SPAG16: variants seen among roughly 807,000 people sequenced by gnomAD.
SPAG16 encodes the protein sperm-associated antigen 16 protein.
A neutral mutation model predicts 80.4 loss-of-function variants in SPAG16; 86 were observed. The ratio of observed to expected loss-of-function variants is 1.07; its 90% CI spans 0.90 to 1.28. SPAG16 has a LOEUF of 1.28. Ranked by LOEUF, SPAG16 falls within the 50% of genes most tolerant of loss-of-function variation. The pLI is 0.00. For synonymous variants in SPAG16, 294 were observed against 265.9 expected (o/e 1.11, Z -1.03); for missense variants, 870 against 765.3 (o/e 1.14, Z -1.61).
At chr2:214,150,108 G>A (rs1559086101) in intron 15 of SPAG16, among the ~76,000 whole-genome samples, 2 of 152,004 alleles carry the variant, frequency 1.3e-5, no homozygotes, top group African/African-American at 2.4e-5. Flanking sequence ...CTTGATTTTA[G>A]GTGAAGAAGT....
At position 213,784,681 on chromosome 2, in the gene SPAG16, A is replaced by G. The variant is rs140007506; in HGVS notation, c.1071-77804A>G. Among the ~76,000 whole-genome samples the G allele has an allele frequency of 2.6e-4, 38 of 147,982 alleles. 1 individual carries two copies. In the East Asian group the frequency reaches 7.5e-3, roughly 29 times the overall value. On this transcript the variant is annotated intron_variant, in intron 10 of 15. Transcript: ENST00000331683. ...ACTGTGAGAGCTCCGTGATAGAACT[A>G]TATGCTGTTTGCTCTCTAAGAGATT...
intron 12 of SPAG16, among the ~76,000 whole-genome samples, chr2:213,967,641 T>C (rs2044774494): frequency 6.6e-6 from 1 of 152,186 alleles, no homozygotes; most frequent in South Asian, 2.1e-4. Flanking sequence ...ATGAAAATTA[T>C]GTCTTAACCC....
chr2:214,072,226 A>T (rs923312986), intron 13 of SPAG16, among the ~76,000 whole-genome samples: 10 of 152,128 alleles, frequency 6.6e-5, no homozygotes, highest in African/African-American at 2.4e-4. Context: ...ACTTTGACAG[A>T]TACATTATAA....
intron 10 of SPAG16, among the ~76,000 whole-genome samples, chr2:213,751,114 A>C (rs2068058173): frequency 6.6e-6 from 1 of 152,182 alleles, no homozygotes; most frequent in Admixed American, 6.5e-5. Flanking sequence ...ATATATTTTA[A>C]ATTTTATTTA....
At chr2:213,488,488 A>G (rs2074090344) in intron 9 of SPAG16, among the ~76,000 whole-genome samples, 2 of 152,188 alleles carry the variant, frequency 1.3e-5, no homozygotes, top group Admixed American at 6.5e-5. Context: ...ATTGATAACC[A>G]TAAGAGAGAC....
intron 15 of SPAG16, among the ~76,000 whole-genome samples, chr2:214,220,691 G>A (rs2058543850): frequency 6.6e-6 from 1 of 152,126 alleles, no homozygotes; most frequent in Admixed American, 6.5e-5. Flanking sequence ...TCCCTCTAAT[G>A]CTTCAGGTAG....
At chr2:213,778,073 C>T (rs1299354483) in intron 10 of SPAG16, among the ~76,000 whole-genome samples, 1 of 151,792 alleles carries the variant, frequency 6.6e-6, no homozygotes, top group East Asian at 1.9e-4. Context: ...AGCTGTCCAA[C>T]CCAGGAAATC....
Position 214,014,007 on chromosome 2 carries a change from T to G in SPAG16, c.1457T>G (p.Phe486Cys). 6.2e-7 allele frequency: 1 copy of G among 1,613,638 alleles called. No homozygotes were observed. Among genetic ancestry groups the G allele is most frequent in the Non-Finnish European group, 8.5e-7 (1 of 1,179,778 alleles). Reference sequence around the variant, plus strand: ...ACAGATTCTGTGAACAGCATTGAGTTTTTTCCTTTCTCCAATACTCTTCTC... The same window carrying G: ...ACAGATTCTGTGAACAGCATTGAGTGTTTTCCTTTCTCCAATACTCTTCTC... ...GHTDSVNSIE[F>C]FPFSNTLLTS... The change falls in exon 13 of 16, where the codon TTT becomes TGT. Residue 486 changes from phenylalanine to cysteine, a missense_variant. Phe to Cys is a radical substitution (Grantham distance 205). Coordinates refer to ENST00000331683, the MANE Select transcript of SPAG16 (RefSeq NM_024532.5).
chr2:213,659,839 T>C (rs2063352478), intron 10 of SPAG16, among the ~76,000 whole-genome samples: 1 of 152,214 alleles, frequency 6.6e-6, no homozygotes, highest in African/African-American at 2.4e-5. Flanking sequence ...AAACTAATTG[T>C]TCCTTGCTAT....
intron 15 of SPAG16, among the ~76,000 whole-genome samples, chr2:214,209,082 C>G (rs567168521): frequency 3.9e-4 from 60 of 152,162 alleles, no homozygotes; most frequent in Non-Finnish European, 6.9e-4. Context: ...TCTCCCAATG[C>G]TATCATAAAT....
At chr2:213,302,056 A>G (rs1372516741) in intron 3 of SPAG16, among the ~76,000 whole-genome samples, 1 of 152,138 alleles carries the variant, frequency 6.6e-6, no homozygotes, top group Admixed American at 6.5e-5. Flanking sequence ...ACAATATAGA[A>G]TCCTGTCTAC....
At chr2:214,077,794 C>A (rs1015860344) in intron 13 of SPAG16, among the ~76,000 whole-genome samples, 3 of 152,204 alleles carry the variant, frequency 2.0e-5, no homozygotes, top group African/African-American at 7.2e-5. Flanking sequence ...CTTCTTCCCT[C>A]CCAGGATTAG....
At chr2:214,320,061 T>C (rs1695992182) in intron 15 of SPAG16, among the ~76,000 whole-genome samples, 1 of 152,064 alleles carries the variant, frequency 6.6e-6, no homozygotes, top group South Asian at 2.1e-4. Flanking sequence ...CTTATACTTA[T>C]TTTCTAGACT....
At chr2:213,809,114 C>T (rs2071960609) in intron 10 of SPAG16, among the ~76,000 whole-genome samples, 1 of 152,186 alleles carries the variant, frequency 6.6e-6, no homozygotes, top group South Asian at 2.1e-4. Context: ...TACCTCACCT[C>T]TGTGTGTCTC....
chr2:213,735,500 C>A (rs60401743), intron 10 of SPAG16, among the ~76,000 whole-genome samples: 1 of 152,100 alleles, frequency 6.6e-6, no homozygotes, highest in Non-Finnish European at 1.5e-5. Flanking sequence ...TTCCACCATG[C>A]GATTCATCAA....
At chr2:213,511,719 C>T (rs2125816321) in intron 10 of SPAG16, among the ~76,000 whole-genome samples, 1 of 152,036 alleles carries the variant, frequency 6.6e-6, no homozygotes, top group East Asian at 1.9e-4. Context: ...CAAACTTATT[C>T]TAGTGAGATT....
At chr2:213,425,184 A>G (rs190982866) in intron 9 of SPAG16, among the ~76,000 whole-genome samples, 2,026 of 152,008 alleles carry the variant, frequency 0.013, 42 homozygotes, top group African/African-American at 0.045. Context: ...TTAGCCAGGC[A>G]TGGTGGTGGG....
chr2:213,996,644 C>T (rs1015882740), intron 12 of SPAG16, among the ~76,000 whole-genome samples: 1 of 149,526 alleles, frequency 6.7e-6, no homozygotes, highest in African/African-American at 2.5e-5. Context: ...TCTCTGCTCA[C>T]TGCAACCTCT....
At chr2:214,096,038 T>C (rs1442714591) in intron 13 of SPAG16, among the ~76,000 whole-genome samples, 3 of 152,020 alleles carry the variant, frequency 2.0e-5, no homozygotes, top group Admixed American at 2.0e-4. Flanking sequence ...ATGGTGAGAA[T>C]AATTAATTGA....
Sources: gnomAD v4.1 joint callset for allele counts (sites outside exome capture counted in the v4.1 genomes callset) on GRCh38, gnomAD v4.1.1 for gene constraint, MANE v1.5 for transcripts, NCBI Gene and HGNC (gene_info 2026-07-23, HGNC 2026-07-21) for gene names.